Variants in CHN2 observed in about 807,000 individuals in gnomAD.
CHN2 encodes beta-chimaerin.
In CHN2, 35 loss-of-function variants were observed where a neutral mutation model predicts 56.3. That is an observed-to-expected ratio of 0.62 (90% confidence interval 0.47 to 0.82). The LOEUF (loss-of-function observed/expected upper bound fraction) is 0.82, where lower values mean the gene tolerates loss of function less well. CHN2 is among the 40% of genes least tolerant of loss of function. CHN2 has a pLI of 0.00. For missense variants in CHN2, 491 were observed against 580.5 expected (o/e 0.85, Z 1.58); for synonymous variants, 210 against 212.8 (o/e 0.99, Z 0.12).
chr7:29,499,812 T>A (rs1789744192), intron 8 of CHN2, 55 bp from the exon 9 acceptor site: 2 of 1,467,576 alleles, frequency 1.4e-6, no homozygotes, highest in Admixed American at 4.8e-5. Flanking sequence ...ATATAATTTG[T>A]GTTGTGCTTT....
chr7:29,229,838 A>C (rs886343263), intron 1 of CHN2, among the ~76,000 whole-genome samples: 1 of 152,156 alleles, frequency 6.6e-6, no homozygotes, highest in Non-Finnish European at 1.5e-5. Flanking sequence ...TTAGGTGGGC[A>C]TGGTGGCATG....
At chr7:29,267,610 T>C (rs245993) in intron 1 of CHN2, among the ~76,000 whole-genome samples, 116,945 of 152,116 alleles carry the variant, frequency 0.77, 46,001 homozygotes, top group East Asian at 0.99. Flanking sequence ...CAGAGAAGAG[T>C]TTGATGGAGT....
At chr7:29,231,278 C>G (rs1786684289) in intron 1 of CHN2, among the ~76,000 whole-genome samples, 1 of 152,178 alleles carries the variant, frequency 6.6e-6, no homozygotes. Flanking sequence ...TCTGCAGCCA[C>G]AGCAAACAGG....
chr7:29,511,888 A>C (rs1396202476), intron 12 of CHN2, among the ~76,000 whole-genome samples: 3 of 152,106 alleles, frequency 2.0e-5, no homozygotes, highest in African/African-American at 7.3e-5. Flanking sequence ...TTGCAGTTTG[A>C]ATTTTATTCT....
chr7:29,289,237 G>A (rs1562892528), intron 1 of CHN2: 1 of 152,220 alleles, frequency 6.6e-6, no homozygotes, highest in Non-Finnish European at 1.5e-5. Flanking sequence ...TTTTCACATA[G>A]CATCTGTCCC....
At chr7:29,206,220 ATCAGT>A (rs546678077) in intron 1 of CHN2, among the ~76,000 whole-genome samples, 2 of 152,114 alleles carry the variant, frequency 1.3e-5, no homozygotes, top group Non-Finnish European at 2.9e-5. Context: ...TTGTTTGTAA[ATCAGT>A]TCTGCAAGGA....
At chr7:29,251,907 A>C (rs1281011956) in intron 1 of CHN2, among the ~76,000 whole-genome samples, 1 of 152,368 alleles carries the variant, frequency 6.6e-6, no homozygotes, top group East Asian at 1.9e-4. Flanking sequence ...TAAGGGTGAC[A>C]GTGGTTTTTG....
At chr7:29,335,023 T>C (rs1423731166) in intron 1 of CHN2, among the ~76,000 whole-genome samples, 1 of 152,200 alleles carries the variant, frequency 6.6e-6, no homozygotes, top group Non-Finnish European at 1.5e-5. Flanking sequence ...ACCTTTTGAA[T>C]AGGTTGAATA....
intron 1 of CHN2, among the ~76,000 whole-genome samples, chr7:29,226,127 A>G (rs1786173150): frequency 6.6e-6 from 1 of 152,196 alleles, no homozygotes; most frequent in Admixed American, 6.5e-5. Flanking sequence ...GTGGGGAAAA[A>G]ACACAGAACA....
rs1306824301 is a variant in CHN2 at position 29,513,962 on chromosome 7, TA to T, written c.*1233del. ...ATCAAAAACTGTAAATCTAGATTTT[TA>T]AAAAATCCAACTGCAATGTCTTTTC... On this transcript the variant is annotated 3_prime_UTR_variant, in exon 13 of 13. Coordinates refer to ENST00000222792, the MANE Select transcript of CHN2 (RefSeq NM_004067.4). The T allele has an allele frequency of 6.6e-6, 1 of 152,642 alleles. No individual in the cohort carries two copies. The highest frequency in any genetic ancestry group is 6.5e-5 in the Admixed American group (1 of 15,290). 9.5% of individuals were successfully genotyped at this position (152,642 alleles called of 1,614,324 possible).
At chr7:29,314,363 T>G (rs546316353) in intron 1 of CHN2, among the ~76,000 whole-genome samples, 7 of 152,188 alleles carry the variant, frequency 4.6e-5, no homozygotes, top group African/African-American at 1.7e-4. Flanking sequence ...AGTGGAATGG[T>G]GATTTTCAGA....
intron 6 of CHN2, among the ~76,000 whole-genome samples, chr7:29,407,962 C>T (rs928854767): frequency 5.9e-5 from 9 of 151,988 alleles, no homozygotes; most frequent in African/African-American, 2.2e-4. Flanking sequence ...CAGAGGCTGG[C>T]GGATCACTTG....
chr7:29,336,585 C>G (rs1400653321), intron 1 of CHN2, among the ~76,000 whole-genome samples: 1 of 150,666 alleles, frequency 6.6e-6, no homozygotes, highest in African/African-American at 2.4e-5. Context: ...TAGTGAGACC[C>G]TGTCTCTACA....
At chr7:29,242,681 G>A (rs1321536527) in intron 1 of CHN2, among the ~76,000 whole-genome samples, 3 of 145,064 alleles carry the variant, frequency 2.1e-5, no homozygotes, top group East Asian at 2.0e-4. Context: ...GATAAAGAAG[G>A]GTACAAGTTT....
intron 9 of CHN2, among the ~76,000 whole-genome samples, chr7:29,503,508 T>C (rs1351729398): frequency 6.6e-6 from 1 of 152,194 alleles, no homozygotes; most frequent in African/African-American, 2.4e-5. Flanking sequence ...GTGTGGCAAC[T>C]CCAGTTGATC....
At chr7:29,422,548 A>T (rs906895408) in intron 6 of CHN2, among the ~76,000 whole-genome samples, 3 of 152,268 alleles carry the variant, frequency 2.0e-5, no homozygotes, top group African/African-American at 7.2e-5. Flanking sequence ...TTCACAAATT[A>T]AATATATGTA....
chr7:29,150,952 A>G, intron 2 of CHN2, among the ~76,000 whole-genome samples: 1 of 152,184 alleles, frequency 6.6e-6, no homozygotes, highest in East Asian at 1.9e-4. Context: ...GTGCTATTAA[A>G]AAAGGGAGGG....
chr7:29,459,619 C>T (rs1046620906), intron 6 of CHN2, among the ~76,000 whole-genome samples: 3 of 152,158 alleles, frequency 2.0e-5, no homozygotes, highest in Non-Finnish European at 4.4e-5. Context: ...AGCAGCAATT[C>T]CAGGAGCTGA....
intron 6 of CHN2, among the ~76,000 whole-genome samples, chr7:29,460,947 A>G (rs1785119508): frequency 6.6e-6 from 1 of 152,228 alleles, no homozygotes; most frequent in Non-Finnish European, 1.5e-5. Context: ...ATAGATGCTT[A>G]AAAGAAATAG....
Sources: gnomAD v4.1 joint callset for allele counts (sites outside exome capture counted in the v4.1 genomes callset) on GRCh38, gnomAD v4.1.1 for gene constraint, MANE v1.5 for transcripts, NCBI Gene and HGNC (gene_info 2026-07-23, HGNC 2026-07-21) for gene names.